MTMR9: variants seen among roughly 807,000 people sequenced by gnomAD.
MTMR9 encodes the protein myotubularin related protein 9, also known as myotubularin-related protein 9.
A neutral mutation model predicts 69.5 loss-of-function variants in MTMR9; 39 were observed. That is an observed-to-expected ratio of 0.56 (90% CI 0.43 to 0.73). The LOEUF (loss-of-function observed/expected upper bound fraction) is 0.73. Among genes scored for constraint, MTMR9 ranks in the 30% least tolerant of loss-of-function variants. The pLI is 0.00. For missense variants in MTMR9, 900 were observed against 671.2 expected, an observed-to-expected ratio of 1.34 and a Z score of -3.77; for synonymous variants, 354 against 240.8, an observed-to-expected ratio of 1.47 and a Z score of -4.35.
intron 1 of MTMR9, among the ~76,000 whole-genome samples, chr8:11,289,623 C>A (rs1017795164): frequency 2.6e-5 from 4 of 152,088 alleles, no homozygotes; most frequent in East Asian, 1.9e-4. Flanking sequence ...CGTTTCCTGC[C>A]TCATCCACAA....
At chr8:11,300,211 A>G in intron 3 of MTMR9, 63 bp downstream of exon 3, 1 of 1,564,456 alleles carries the variant, frequency 6.4e-7, no homozygotes, top group East Asian at 2.3e-5. Context: ...TTGACTTGTG[A>G]AAATGATCAC....
intron 1 of MTMR9, among the ~76,000 whole-genome samples, chr8:11,292,903 A>G (rs1298670551): frequency 6.6e-6 from 1 of 152,218 alleles, no homozygotes; most frequent in African/African-American, 2.4e-5. Context: ...CATACATCAC[A>G]TAATATTTAT....
intron 6 of MTMR9, among the ~76,000 whole-genome samples, chr8:11,310,842 A>T (rs1462703791): frequency 2.6e-5 from 4 of 152,158 alleles, no homozygotes; most frequent in African/African-American, 9.6e-5. Flanking sequence ...TGACAGCATG[A>T]TGATACAGAT....
chr8:11,285,152 C>G, intron 1 of MTMR9, 82 bp downstream of exon 1: 1 of 1,369,786 alleles, frequency 7.3e-7, no homozygotes, highest in Non-Finnish European at 9.8e-7. Context: ...TGGCGTTTTC[C>G]GCGCAGCCTG....
At chr8:11,295,645 G>C (rs891919946) in intron 2 of MTMR9, among the ~76,000 whole-genome samples, 4 of 152,204 alleles carry the variant, frequency 2.6e-5, no homozygotes, top group Non-Finnish European at 4.4e-5. Context: ...GAAACCATTA[G>C]AAGATTTAGT....
In MTMR9 at chr8:11,325,174, T is replaced by C. The variant is rs996095040; in HGVS notation, c.*2386T>C. ...CTGTTTACAGGTTGTAAAAATAAAC[T>C]TCGGTATCAGTGCATCTACAGAAGT... On this transcript the variant is annotated 3_prime_UTR_variant, in exon 10 of 10. Coordinates refer to ENST00000221086, the MANE Select transcript of MTMR9 (RefSeq NM_015458.4). 1 of 152,244 alleles carries C rather than the reference T, an allele frequency of 6.6e-6. No individual in the cohort carries two copies. The highest frequency in any genetic ancestry group is 2.4e-5 in the African/African-American group (1 of 41,464). The allele number at this position is 152,244 out of a possible 1,614,324, so 9.4% of individuals were successfully genotyped here.
At chr8:11,299,900 T>TAC (rs1799692233) in intron 2 of MTMR9, 123 bp from the exon 3 acceptor site, 2 of 1,164,928 alleles carry the variant, frequency 1.7e-6, no homozygotes, top group Non-Finnish European at 2.4e-6. Flanking sequence ...AACACAATGT[T>TAC]AGAGAAACAT....
intron 2 of MTMR9, among the ~76,000 whole-genome samples, chr8:11,297,305 G>A (rs898633103): frequency 2.6e-5 from 4 of 152,166 alleles, no homozygotes; most frequent in African/African-American, 9.7e-5. Context: ...TCCTGCCTTT[G>A]TTGAATTTTA....
rs758903750 is a variant in MTMR9, at chr8:11,304,828, T to G, written c.418-13T>G. ...GATAGTTGCTTAGCTTTGAAGTATT[T>G]TGTGTTTTTCAGACCAGTGAATGGA... On this transcript the variant is annotated splice_polypyrimidine_tract_variant and intron_variant, in intron 3 of 9. Coordinates refer to ENST00000221086, the MANE Select transcript of MTMR9 (RefSeq NM_015458.4). The G allele has an allele frequency of 1.2e-6, 2 of 1,610,990 alleles. No individual in the cohort carries two copies. The highest frequency in any genetic ancestry group is 2.7e-5 in the African/African-American group (2 of 74,736).
the MTMR9 span, among the ~76,000 whole-genome samples, chr8:11,339,416 G>C: frequency 2.6e-5 from 4 of 152,114 alleles, no homozygotes; most frequent in Non-Finnish European, 5.9e-5. Context: ...CAGTCCAAAG[G>C]GTCCTTAATC....
At chr8:11,332,316 T>A, downstream of MTMR9, 1 of 1,019,646 alleles carries the variant, frequency 9.8e-7, no homozygotes, top group East Asian at 2.9e-5. Flanking sequence ...TGCAAACAAA[T>A]GAGAAATCTG....
chr8:11,293,803 G>T (rs1000210991), intron 1 of MTMR9, among the ~76,000 whole-genome samples: 4 of 148,138 alleles, frequency 2.7e-5, no homozygotes, highest in African/African-American at 9.9e-5. Flanking sequence ...AGCACCATTT[G>T]TTGAAAAGAC....
intron 1 of MTMR9, among the ~76,000 whole-genome samples, chr8:11,292,898 A>G (rs1279838983): frequency 6.6e-6 from 1 of 152,246 alleles, no homozygotes; most frequent in Non-Finnish European, 1.5e-5. Flanking sequence ...CATTGCATAC[A>G]TCACATAATA....
intron 3 of MTMR9, chr8:11,300,849 G>A (rs903466085): frequency 5.9e-5 from 9 of 152,212 alleles, no homozygotes; most frequent in Non-Finnish European, 1.0e-4. Context: ...GAGAGATACT[G>A]TGTACATCAA....
chr8:11,330,390 G>T (rs1015977549), downstream of MTMR9, among the ~76,000 whole-genome samples: 189 of 152,312 alleles, frequency 1.2e-3, no homozygotes, highest in Non-Finnish European at 1.4e-3. Context: ...GAGCCCCTCT[G>T]CCCGGCCACC....
intron 1 of MTMR9, among the ~76,000 whole-genome samples, chr8:11,292,774 A>C (rs578208165): frequency 1.6e-4 from 25 of 152,326 alleles, no homozygotes; most frequent in African/African-American, 5.5e-4. Context: ...TGGTAGTCCC[A>C]TAAGATTATA....
intron 2 of MTMR9, 136 bp from the exon 3 acceptor site, chr8:11,299,887 A>T: frequency 1.9e-6 from 2 of 1,046,070 alleles, no homozygotes; most frequent in Non-Finnish European, 2.7e-6. Flanking sequence ...GTATCTGGTG[A>T]TAAACACAAT....
In MTMR9 at chr8:11,325,225, G is replaced by A. The variant is rs150947081; in HGVS notation, c.*2437G>A. On this transcript the variant is annotated 3_prime_UTR_variant, in exon 10 of 10. Coordinates refer to ENST00000221086, the MANE Select transcript of MTMR9 (RefSeq NM_015458.4). Reference sequence around the variant, plus strand: ...GTTATTTGGTAATCCAAATATTAGAGTTTTCCCAAATCCAAAAACGGTCAG... The same window carrying A: ...GTTATTTGGTAATCCAAATATTAGAATTTTCCCAAATCCAAAAACGGTCAG... 15 of 152,272 alleles carry A rather than the reference G, an allele frequency of 9.9e-5. No individual in the cohort carries two copies. The highest frequency in any genetic ancestry group is 3.9e-4 in the East Asian group (2 of 5,190). The allele number at this position is 152,272 out of a possible 1,614,324, so 9.4% of individuals were successfully genotyped here. A position where few individuals can be genotyped will look rare whatever the true frequency, so the allele number is the denominator to read the frequency against.
rs771945458 is a variant in MTMR9, at chr8:11,284,961, G to T, written c.73G>T (p.Val25Phe). The part of the protein sequence containing the change: ...VVLHRPFYPA[V>F]EGTLCLTGHH... ...GCTGCACCGGCCTTTCTACCCGGCT[G>T]TCGAGGGCACCCTGTGCCTGACGGG... Residue 25 changes from valine (V) to phenylalanine (F), a missense_variant, in exon 1 of 10, where the codon GTC (valine) becomes TTC (phenylalanine). By Grantham distance (50) the Val-to-Phe change is conservative. Coordinates refer to ENST00000221086, the MANE Select transcript of MTMR9 (RefSeq NM_015458.4). 2 of 1,613,978 alleles carry T rather than the reference G, an allele frequency of 1.2e-6. No homozygotes were observed. The highest frequency in any genetic ancestry group is 1.1e-5 in the South Asian group (1 of 91,022).
Sources: allele counts gnomAD v4.1 joint callset (sites outside exome capture counted in the v4.1 genomes callset), GRCh38; gene constraint gnomAD v4.1.1; transcripts MANE v1.5; gene names NCBI Gene and HGNC (gene_info 2026-07-23, HGNC 2026-07-21).